The following COQ5 variants were observed in gnomAD, a reference collection of about 807,000 sequenced individuals.
The protein encoded by COQ5 is coenzyme Q5, methyltransferase.
Under a neutral mutation model 40.5 loss-of-function variants are expected in COQ5, and 27 were observed. That is an observed-to-expected ratio of 0.67 (90% CI 0.49 to 0.92). The LOEUF is 0.92. Ranked by LOEUF, COQ5 falls within the 40% of genes least tolerant of loss-of-function variation. The pLI, the probability that COQ5 is intolerant of heterozygous loss-of-function variation, is 0.00. For missense variants in COQ5, 409 were observed against 406.4 expected (o/e 1.01, Z -0.06); for synonymous variants, 141 against 150.0 (o/e 0.94, Z 0.44).
At chr12:120,507,798 A>T (rs1868947336) in intron 4 of COQ5, among the ~76,000 whole-genome samples, 1 of 148,098 alleles carries the variant, frequency 6.8e-6, no homozygotes, top group Non-Finnish European at 1.5e-5. Flanking sequence ...GAGGCAGAAG[A>T]ATCACTTGAA....
rs760191462 is a variant in COQ5, at chr12:120,528,985, G to A, written c.157C>T (p.His53Tyr). ...LSQEKRAAET[H>Y]FGFETVSEEE... ...TCCGACACAGTCTCAAACCCAAAGTGCGTTTCCGCTGCCCGCTTCTCTTGG... is the reference window on the plus strand; with the variant it reads ...TCCGACACAGTCTCAAACCCAAAGTACGTTTCCGCTGCCCGCTTCTCTTGG... The change falls in exon 1 of 7, where the codon CAC becomes TAC. Residue 53 changes from histidine to tyrosine, a missense_variant. By Grantham distance (83) the His-to-Tyr change is moderately conservative (BLOSUM62 2). Transcript: ENST00000288532. 2.5e-6 allele frequency: 4 copies of A among 1,614,006 alleles called. No individual in the cohort carries two copies. The highest frequency in any genetic ancestry group is 3.4e-6 in the Non-Finnish European group (4 of 1,180,016).
chr12:120,524,699 T>C (rs916441652), intron 1 of COQ5, among the ~76,000 whole-genome samples: 8 of 152,212 alleles, frequency 5.3e-5, no homozygotes, highest in African/African-American at 1.9e-4. Context: ...AGATGAAATG[T>C]GCTACACAGA....
At chr12:120,526,615 G>A in intron 1 of COQ5, 3 of 262,390 alleles carry the variant, frequency 1.1e-5, no homozygotes, top group Non-Finnish European at 2.3e-5. Flanking sequence ...AACTTAGAAA[G>A]AAATATGGCA....
chr12:120,510,450 T>C (rs1050284124), intron 3 of COQ5, among the ~76,000 whole-genome samples: 2 of 152,036 alleles, frequency 1.3e-5, no homozygotes, highest in African/African-American at 2.4e-5. Context: ...GTTGGGACTA[T>C]AGGCACACAC....
chr12:120,507,287 T>C (rs1310796871), intron 4 of COQ5, among the ~76,000 whole-genome samples: 1 of 150,920 alleles, frequency 6.6e-6, no homozygotes, highest in Admixed American at 6.6e-5. Context: ...CTATTCAACT[T>C]ATTTTTTTTT....
At chr12:120,505,197 G>C (rs2137077141) in intron 4 of COQ5, among the ~76,000 whole-genome samples, 1 of 152,302 alleles carries the variant, frequency 6.6e-6, no homozygotes, top group Non-Finnish European at 1.5e-5. Flanking sequence ...GACAAAGTTA[G>C]CTGGGGTAAT....
At position 120,529,133 on chromosome 12, in the gene COQ5, G is replaced by T. The variant is rs760988052; in HGVS notation, c.9C>A (p.Ala3=). The change falls in exon 1 of 7, where the codon GCC becomes GCA. Residue 3 remains alanine (A), a synonymous_variant. Coordinates refer to ENST00000288532, the MANE Select transcript of COQ5 (RefSeq NM_032314.4). Reference sequence around the variant, plus strand: ...AGCTCCATAGAGCACAGCTCCCGGGGGCCGCCATCTTGGTAGTCGAGTGAC... The same window carrying T: ...AGCTCCATAGAGCACAGCTCCCGGGTGCCGCCATCTTGGTAGTCGAGTGAC... The part of the protein sequence containing the change: MA[A]PGSCALWSYC... 8.7e-6 allele frequency: 14 copies of T among 1,613,320 alleles called. No individual in the cohort carries two copies. The highest frequency in any genetic ancestry group is 1.2e-5 in the Non-Finnish European group (14 of 1,179,720).
chr12:120,512,324 C>T (rs540057477), intron 3 of COQ5, among the ~76,000 whole-genome samples: 13 of 152,230 alleles, frequency 8.5e-5, no homozygotes, highest in African/African-American at 1.9e-4. Flanking sequence ...AATTGTAGGA[C>T]GGGCGCGGTG....
intron 1 of COQ5, chr12:120,527,280 T>G (rs1178326759): frequency 6.6e-6 from 1 of 151,678 alleles, no homozygotes; most frequent in Non-Finnish European, 1.5e-5. Context: ...GAGATGAGGT[T>G]TCACCACGTT....
At chr12:120,518,137 G>T (rs995841093) in intron 2 of COQ5, among the ~76,000 whole-genome samples, 3 of 151,966 alleles carry the variant, frequency 2.0e-5, no homozygotes, top group Admixed American at 6.6e-5. Context: ...TGCTGTTTCC[G>T]GCTGGGCTCG....
intron 1 of COQ5, among the ~76,000 whole-genome samples, chr12:120,524,739 A>G (rs1203961313): frequency 6.6e-6 from 1 of 152,194 alleles, no homozygotes; most frequent in Non-Finnish European, 1.5e-5. Flanking sequence ...CTGCTGAATC[A>G]GACTACAGAG....
chr12:120,523,345 A>C (rs916103531), intron 1 of COQ5: 4 of 324,506 alleles, frequency 1.2e-5, no homozygotes, highest in South Asian at 3.0e-5. Context: ...TCAAAGAAAA[A>C]AAAATAGGAT....
At chr12:120,504,173 C>T in intron 5 of COQ5, 92 bp from the exon 6 acceptor site, 1 of 822,616 alleles carries the variant, frequency 1.2e-6, no homozygotes, top group Non-Finnish European at 2.1e-6. Flanking sequence ...CCTGGGGTCA[C>T]AAACTCAAAT....
intron 4 of COQ5, chr12:120,509,816 T>C: frequency 1.7e-6 from 1 of 595,616 alleles, no homozygotes; most frequent in East Asian, 3.1e-5. Flanking sequence ...GGTGGGTTCC[T>C]GTAAGGTTCC....
chr12:120,516,844 G>GA (rs959000183), intron 2 of COQ5, 56 bp from the exon 3 acceptor site: 3 of 1,493,236 alleles, frequency 2.0e-6, no homozygotes, highest in African/African-American at 1.4e-5. Flanking sequence ...AAAAAAGGAA[G>GA]AAACAGCATT....
chr12:120,522,273 A>T lies in COQ5; in HGVS notation c.293T>A (p.Leu98Gln). The change falls in exon 2 of 7, where the codon CTG becomes CAG. Residue 98 changes from leucine to glutamine, a missense_variant. Coordinates refer to ENST00000288532, the MANE Select transcript of COQ5 (RefSeq NM_032314.4). The stretch of plus-strand genomic sequence containing the variant: ...AGGAAGCGGGTGCATCTTCCAGAGC[A>T]GCAAATCCTTCCAAACACGATGGAT... ...LGIHRVWKDL[L>Q]LWKMHPLPGT... The T allele has an allele frequency of 3.7e-6, 6 of 1,614,152 alleles. No individual in the cohort carries two copies. The highest frequency in any genetic ancestry group is 5.1e-6 in the Non-Finnish European group (6 of 1,179,998).
chr12:120,528,456 T>C (rs1048669331), intron 1 of COQ5, among the ~76,000 whole-genome samples: 1 of 152,166 alleles, frequency 6.6e-6, no homozygotes, highest in Non-Finnish European at 1.5e-5. Context: ...GTCTGTACGT[T>C]GCCTGGCACA....
chr12:120,518,873 T>A (rs1053096009), intron 2 of COQ5, among the ~76,000 whole-genome samples: 1 of 152,240 alleles, frequency 6.6e-6, no homozygotes, highest in African/African-American at 2.4e-5. Flanking sequence ...TATATTTCAA[T>A]ATATTAATTA....
intron 1 of COQ5, chr12:120,526,783 C>T (rs936251331): frequency 1.7e-5 from 3 of 171,770 alleles, no homozygotes; most frequent in Admixed American, 1.9e-4. Context: ...GGCAGGATCT[C>T]GGCTCACTGC....
Sources: allele counts gnomAD v4.1 joint callset (sites outside exome capture counted in the v4.1 genomes callset), GRCh38; gene constraint gnomAD v4.1.1; transcripts MANE v1.5; gene names NCBI Gene and HGNC (gene_info 2026-07-23, HGNC 2026-07-21).